ROS1: variants seen among roughly 807,000 people sequenced by gnomAD.
The protein encoded by ROS1 is proto-oncogene tyrosine-protein kinase ROS.
In ROS1, 263 loss-of-function variants were observed where a neutral mutation model predicts 273.5. That is an observed-to-expected ratio of 0.96 (90% CI 0.87 to 1.06). The LOEUF (loss-of-function observed/expected upper bound fraction) is 1.06. ROS1 is among the 50% of genes least tolerant of loss of function. The probability of loss-of-function intolerance (pLI) is 0.00; values close to 1 mark genes in which losing one functional copy is unlikely to be tolerated. For synonymous variants in ROS1, 1,008 were observed against 954.1 expected (o/e 1.06, Z -1.04); for missense variants, 2,833 against 2,751.1 (o/e 1.03, Z -0.67).
rs946781930 is a variant in ROS1 at position 117,369,550 on chromosome 6, C to CAGT, written c.2583-3261_2583-3260insACT. On this transcript the variant is annotated intron_variant, in intron 18 of 43. Coordinates refer to ENST00000368507, the MANE Select transcript of ROS1 (RefSeq NM_001378902.1). ...GATCGCGCCACTGCACCAGCCTGGG[C>CAGT]GACAGAGCGAGACTCCATCTCAAAA... Among the ~76,000 whole-genome samples, 185 of 151,558 alleles carry CAGT rather than the reference C, an allele frequency of 1.2e-3. 1 individual carries two copies. Among genetic ancestry groups the CAGT allele is most frequent in the Non-Finnish European group, 2.4e-4 (16 of 67,930 alleles).
At chr6:117,294,597 A>G (rs957388874) in intron 43 of ROS1, among the ~76,000 whole-genome samples, 2 of 152,120 alleles carry the variant, frequency 1.3e-5, no homozygotes, top group Non-Finnish European at 2.9e-5. Context: ...AGATTTGATA[A>G]ATAAATTCAG....
At chr6:117,376,325 G>A (rs1329362301) in intron 18 of ROS1, among the ~76,000 whole-genome samples, 1 of 152,020 alleles carries the variant, frequency 6.6e-6, no homozygotes, top group East Asian at 1.9e-4. Context: ...AAAATAAATA[G>A]CCTTATATCC....
intron 26 of ROS1, among the ~76,000 whole-genome samples, chr6:117,354,860 A>T (rs2128640736): frequency 6.6e-6 from 1 of 152,384 alleles, no homozygotes; most frequent in African/African-American, 2.4e-5. Flanking sequence ...AAAGACAAAT[A>T]TTGCAACATA....
At chr6:117,416,201 C>A in intron 3 of ROS1, 57 bp downstream of exon 3, 2 of 1,074,048 alleles carry the variant, frequency 1.9e-6, no homozygotes, top group Non-Finnish European at 2.9e-6. Flanking sequence ...TCCTCTTACA[C>A]AAATTTCCTC....
At position 117,403,917 on chromosome 6, in the gene ROS1, C is replaced by G. The variant is rs117031043; in HGVS notation, c.465+363G>C. Among the ~76,000 whole-genome samples, 774 of 152,258 alleles carry G rather than the reference C, an allele frequency of 5.1e-3. 5 individuals are homozygous for G. The highest frequency in any genetic ancestry group is 6.7e-3 in the Admixed American group (103 of 15,290). ...CTGAATCTTTTCTAGAAGGCCTTTA[C>G]GCTTATAAGTAATAATTTGGCACTT... is the stretch of plus-strand genomic sequence containing the variant. On this transcript the variant is annotated intron_variant, in intron 6 of 43. Transcript: ENST00000368507.
At chr6:117,346,837 C>T (rs1405583451) in intron 27 of ROS1, among the ~76,000 whole-genome samples, 1 of 152,048 alleles carries the variant, frequency 6.6e-6, no homozygotes. Flanking sequence ...TGAGCTGTAT[C>T]CACCATTATA....
At chr6:117,323,317 G>C (rs1243875166) in intron 35 of ROS1, among the ~76,000 whole-genome samples, 1 of 152,116 alleles carries the variant, frequency 6.6e-6, no homozygotes, top group Non-Finnish European at 1.5e-5. Context: ...AAAGAATAAA[G>C]ACTTAGAACA....
At chr6:117,311,533 G>A (rs573019683) in intron 39 of ROS1, among the ~76,000 whole-genome samples, 1 of 152,206 alleles carries the variant, frequency 6.6e-6, no homozygotes, top group South Asian at 2.1e-4. Context: ...TTACATATAT[G>A]GCTGGTCGAT....
chr6:117,388,729 T>C (rs1001076517), intron 13 of ROS1, among the ~76,000 whole-genome samples: 14 of 152,240 alleles, frequency 9.2e-5, no homozygotes, highest in African/African-American at 1.7e-4. Context: ...AAAAGTTTGC[T>C]GACCTCTGTG....
chr6:117,355,511 C>A (rs1582717458), intron 26 of ROS1, among the ~76,000 whole-genome samples: 1 of 152,142 alleles, frequency 6.6e-6, no homozygotes, highest in African/African-American at 2.4e-5. Flanking sequence ...CGTTTTATAC[C>A]TACATTGTCC....
intron 27 of ROS1, among the ~76,000 whole-genome samples, chr6:117,351,395 C>G (rs574168714): frequency 6.6e-5 from 10 of 151,860 alleles, no homozygotes; most frequent in African/African-American, 2.4e-4. Flanking sequence ...TGCTCTGGTG[C>G]CTTTCAAAAT....
chr6:117,324,564 T>A (rs1776506203), intron 34 of ROS1, 149 bp from the exon 35 acceptor site: 2 of 556,358 alleles, frequency 3.6e-6, no homozygotes, highest in African/African-American at 3.9e-5. Context: ...CTTGAAAGCA[T>A]CCATACAGAC....
intron 27 of ROS1, among the ~76,000 whole-genome samples, chr6:117,352,190 C>G (rs1778925578): frequency 6.6e-6 from 1 of 152,204 alleles, no homozygotes; most frequent in Admixed American, 6.5e-5. Context: ...AATCCATTCT[C>G]CTGCCTCAGC....
Position 117,365,625 on chromosome 6 carries a change from A to G in ROS1, c.2914T>C (p.Trp972Arg). 4.3e-6 allele frequency: 7 copies of G among 1,612,736 alleles called. No individual in the cohort carries two copies. The highest frequency in any genetic ancestry group is 5.9e-6 in the Non-Finnish European group (7 of 1,178,850). ...ILWNGPPAVD[W>R]GVVFYSVEFS... Reference sequence around the variant, plus strand: ...TCTACACTGTAGAAAACTACACCCCAGTCTACCGCAGGGGGACCATTCCAC... The same window carrying G: ...TCTACACTGTAGAAAACTACACCCCGGTCTACCGCAGGGGGACCATTCCAC... The change falls in exon 20 of 44, where the codon TGG becomes CGG. Residue 972 changes from tryptophan (W) to arginine (R), a missense_variant. Transcript: ENST00000368507.
At chr6:117,349,738 C>T (rs1778660618) in intron 27 of ROS1, among the ~76,000 whole-genome samples, 2 of 151,866 alleles carry the variant, frequency 1.3e-5, no homozygotes. Context: ...ATCAGTTATA[C>T]TTTTCTAAAA....
chr6:117,343,946 A>T (rs1216838605), intron 28 of ROS1, 114 bp downstream of exon 28: 2 of 781,908 alleles, frequency 2.6e-6, no homozygotes, highest in South Asian at 1.8e-5. Flanking sequence ...GCTGTAAAAA[A>T]GTTGCGTACT....
intron 43 of ROS1, among the ~76,000 whole-genome samples, chr6:117,296,760 T>C (rs1257721048): frequency 2.0e-5 from 3 of 152,126 alleles, no homozygotes; most frequent in Non-Finnish European, 2.9e-5. Context: ...AGGGTAACTA[T>C]AGTCAATAAT....
At chr6:117,384,833 G>A (rs913260535) in intron 16 of ROS1, among the ~76,000 whole-genome samples, 13 of 152,314 alleles carry the variant, frequency 8.5e-5, no homozygotes, top group Admixed American at 7.2e-4. Context: ...GAGGGCAGGA[G>A]GAAGGAGGGG....
rs1443195270 is a variant in ROS1, at chr6:117,418,380, T to G, written c.168+82A>C. 3.1e-6 allele frequency: 3 copies of G among 958,490 alleles called. No homozygotes were observed. In the African/African-American group the frequency reaches 5.1e-5, roughly 16 times the overall value. The allele number at this position is 958,490 out of a possible 1,614,324, so 59.4% of individuals were successfully genotyped here. A position where few individuals can be genotyped will look rare whatever the true frequency, so the allele number is the denominator to read the frequency against. ...AAATGAGATTTTACTTAGCAATTCT[T>G]ACTGTGATAAAATCTGATCATTGTC... is the stretch of plus-strand genomic sequence containing the variant. On this transcript the variant is annotated intron_variant, in intron 2 of 43. Coordinates refer to ENST00000368507, the MANE Select transcript of ROS1 (RefSeq NM_001378902.1).
Sources: allele counts gnomAD v4.1 joint callset (sites outside exome capture counted in the v4.1 genomes callset), GRCh38; gene constraint gnomAD v4.1.1; transcripts MANE v1.5; gene names NCBI Gene and HGNC (gene_info 2026-07-23, HGNC 2026-07-21).